Variants in HBS1L observed in about 807,000 individuals in gnomAD.
HBS1L encodes HBS1 like translational GTPase, also known as HBS1-like protein.
Under a neutral mutation model 88.9 loss-of-function variants are expected in HBS1L, and 55 were observed. The observed-to-expected ratio is 0.62, with a 90% CI of 0.50 to 0.77. The LOEUF (loss-of-function observed/expected upper bound fraction) is 0.77. Among genes scored for constraint, HBS1L ranks in the 30% least tolerant of loss-of-function variants. The pLI is 0.00. For synonymous variants in HBS1L, 267 were observed against 288.5 expected, an observed-to-expected ratio of 0.93 and a Z score of 0.76; for missense variants, 741 against 829.3, an observed-to-expected ratio of 0.89 and a Z score of 1.31.
chr6:134,984,791 C>T (rs976468168), intron 12 of HBS1L, among the ~76,000 whole-genome samples: 12 of 152,078 alleles, frequency 7.9e-5, no homozygotes, highest in Non-Finnish European at 2.9e-5. Context: ...TTCCTCAGCC[C>T]TATCTATAAA....
In HBS1L at chr6:134,962,084, A is replaced by C. The variant is rs1317434176; in HGVS notation, c.*3195T>G. The C allele has an allele frequency of 6.6e-6, 1 of 152,170 alleles. No homozygotes were observed. Among genetic ancestry groups the C allele is most frequent in the African/African-American group, 2.4e-5 (1 of 41,448 alleles). 9.4% of individuals were successfully genotyped at this position (152,170 alleles called of 1,614,324 possible). A position where few individuals can be genotyped will look rare whatever the true frequency, so the allele number is the denominator to read the frequency against. Reference sequence around the variant, plus strand: ...ATCATAATTAGACGAGGAAAGGATGAATGTTTTTCTACTTACATATTTCTA... The same window carrying C: ...ATCATAATTAGACGAGGAAAGGATGCATGTTTTTCTACTTACATATTTCTA... On this transcript the variant is annotated 3_prime_UTR_variant, in exon 18 of 18. Coordinates refer to ENST00000367837, the MANE Select transcript of HBS1L (RefSeq NM_006620.4).
At chr6:135,054,388 C>A (rs1282842815) in intron 1 of HBS1L, among the ~76,000 whole-genome samples, 5 of 152,212 alleles carry the variant, frequency 3.3e-5, no homozygotes, top group Admixed American at 6.5e-5. Flanking sequence ...CGGATCTCAA[C>A]CTCACCAATA....
chr6:134,991,588 T>A (rs1775141095), intron 8 of HBS1L, among the ~76,000 whole-genome samples: 1 of 152,200 alleles, frequency 6.6e-6, no homozygotes, highest in African/African-American at 2.4e-5. Flanking sequence ...CTGGTCCACA[T>A]TAGGTACTCA....
intron 4 of HBS1L, among the ~76,000 whole-genome samples, chr6:135,028,596 A>G (rs1365609449): frequency 6.6e-6 from 1 of 152,208 alleles, no homozygotes; most frequent in African/African-American, 2.4e-5. Flanking sequence ...TCCAAAGAGC[A>G]TACACATACA....
At chr6:134,978,822 G>C (rs1253243781) in intron 14 of HBS1L, 35 bp from the exon 15 acceptor site, 1 of 1,252,238 alleles carries the variant, frequency 8.0e-7, no homozygotes, top group Non-Finnish European at 1.1e-6. Context: ...AAAGGTAATT[G>C]GGGGACAAAT....
In HBS1L at chr6:135,042,193, G is replaced by T. The variant is rs573227054; in HGVS notation, c.110-67C>A. The stretch of plus-strand genomic sequence containing the variant: ...TTCCTATTAACTTTTTTTTACAAAA[G>T]TTAAAGTAAAAATTAAAAATTCTAA... On this transcript the variant is annotated intron_variant, in intron 2 of 17. Coordinates refer to ENST00000367837, the MANE Select transcript of HBS1L (RefSeq NM_006620.4). The T allele has an allele frequency of 7.7e-6, 11 of 1,431,236 alleles. No individual in the cohort carries two copies. The South Asian group carries it at 1.6e-4, about 20-fold the overall frequency. 88.7% of individuals were successfully genotyped at this position (1,431,236 alleles called of 1,614,324 possible).
chr6:134,999,560 G>A (rs1456330527), intron 5 of HBS1L, among the ~76,000 whole-genome samples: 1 of 146,982 alleles, frequency 6.8e-6, no homozygotes, highest in Non-Finnish European at 1.5e-5. Context: ...CAATTCTCCT[G>A]CCTCAGCCTA....
intron 17 of HBS1L, 96 bp downstream of exon 17, chr6:134,966,233 T>C (rs1186033699): frequency 8.9e-7 from 1 of 1,119,574 alleles, no homozygotes; most frequent in African/African-American, 1.6e-5. Flanking sequence ...TGCTTTTTCT[T>C]TCATTCCCTC....
At chr6:135,023,358 G>A (rs1435613333) in intron 4 of HBS1L, among the ~76,000 whole-genome samples, 1 of 152,034 alleles carries the variant, frequency 6.6e-6, no homozygotes, top group African/African-American at 2.4e-5. Flanking sequence ...GCAGGAGAGT[G>A]GTGTGAACCC....
At chr6:134,981,490 C>T (rs989232842) in intron 13 of HBS1L, among the ~76,000 whole-genome samples, 6 of 151,840 alleles carry the variant, frequency 4.0e-5, no homozygotes, top group African/African-American at 1.4e-4. Context: ...TTAAACTTTT[C>T]AAGAAATCTT....
intron 8 of HBS1L, among the ~76,000 whole-genome samples, chr6:134,989,039 A>G (rs1775059056): frequency 6.6e-6 from 1 of 152,222 alleles, no homozygotes; most frequent in Non-Finnish European, 1.5e-5. Context: ...CACACCCCAC[A>G]AAAGAAGAAA....
intron 4 of HBS1L, among the ~76,000 whole-genome samples, chr6:135,032,964 T>C (rs569700316): frequency 2.2e-4 from 33 of 152,280 alleles, no homozygotes; most frequent in Middle Eastern, 6.8e-3. Context: ...AAGTGCTCTG[T>C]ACAGAAATGA....
At chr6:134,979,384 G>A in intron 13 of HBS1L, 116 bp from the exon 14 acceptor site, 1 of 709,590 alleles carries the variant, frequency 1.4e-6, no homozygotes, top group South Asian at 1.6e-5. Flanking sequence ...TTTTCAATAT[G>A]AATGGATTGA....
chr6:134,986,416 T>C (rs1214044288), intron 10 of HBS1L, among the ~76,000 whole-genome samples: 3 of 152,130 alleles, frequency 2.0e-5, no homozygotes, highest in Non-Finnish European at 4.4e-5. Context: ...AACAAAGGCA[T>C]ACTACAGATG....
chr6:134,980,986 C>T (rs1774813610), intron 13 of HBS1L, among the ~76,000 whole-genome samples: 1 of 151,746 alleles, frequency 6.6e-6, no homozygotes, highest in African/African-American at 2.4e-5. Flanking sequence ...GGTGGTTCTT[C>T]CCTGGGGCTT....
chr6:135,039,504 A>T (rs1388963614), intron 4 of HBS1L, 69 bp downstream of exon 4: 1 of 1,261,208 alleles, frequency 7.9e-7, no homozygotes, highest in Non-Finnish European at 1.1e-6. Context: ...TAAAAGCTCA[A>T]GCAAACGAAA....
intron 15 of HBS1L, among the ~76,000 whole-genome samples, chr6:134,975,158 A>G (rs949830747): frequency 6.6e-6 from 1 of 152,150 alleles, no homozygotes; most frequent in Non-Finnish European, 1.5e-5. Context: ...CCCTTTTACA[A>G]TAGCTACAAA....
At position 134,997,545 on chromosome 6, in the gene HBS1L, A is replaced by C. The variant is rs374477794; in HGVS notation, c.651T>G (p.Asn217Lys). The C allele has an allele frequency of 1.9e-6, 3 of 1,613,938 alleles. No individual in the cohort carries two copies. Among genetic ancestry groups the C allele is most frequent in the Non-Finnish European group, 2.5e-6 (3 of 1,179,992 alleles). The change falls in exon 6 of 18, where the codon AAT becomes AAG. Residue 217 changes from asparagine to lysine, a missense_variant. Coordinates refer to ENST00000367837, the MANE Select transcript of HBS1L (RefSeq NM_006620.4). ...DVLETASKSA[N>K]PPHTIQASEE... Reference sequence around the variant, plus strand: ...CTGATGCTTGAATCGTGTGGGGTGGATTAGCAGATTTAGAAGCAGTCTCAA... The same window carrying C: ...CTGATGCTTGAATCGTGTGGGGTGGCTTAGCAGATTTAGAAGCAGTCTCAA...
chr6:135,041,111 T>C (rs1374459539), intron 3 of HBS1L, among the ~76,000 whole-genome samples: 1 of 151,790 alleles, frequency 6.6e-6, no homozygotes, highest in African/African-American at 2.4e-5. Context: ...CATGCTCATA[T>C]GCTGAACAAG....
Sources: allele counts gnomAD v4.1 joint callset (sites outside exome capture counted in the v4.1 genomes callset), GRCh38; gene constraint gnomAD v4.1.1; transcripts MANE v1.5; gene names NCBI Gene and HGNC (gene_info 2026-07-23, HGNC 2026-07-21).